VPS13A: variants seen among roughly 807,000 people sequenced by gnomAD.
VPS13A encodes intermembrane lipid transfer protein VPS13A.
A neutral mutation model predicts 390.9 loss-of-function variants in VPS13A; 264 were observed. The ratio of observed to expected loss-of-function variants is 0.68; its 90% confidence interval spans 0.61 to 0.75. The LOEUF (loss-of-function observed/expected upper bound fraction) is 0.75, where lower values mean the gene tolerates loss of function less well. VPS13A is among the 30% of genes least tolerant of loss of function. VPS13A has a pLI of 0.00. For missense variants in VPS13A, 3,409 were observed against 3,733.9 expected (o/e 0.91, Z 2.27); for synonymous variants, 1,231 against 1,227.1 (o/e 1.00, Z -0.07).
chr9:77,195,293 T>C (rs1166820611), intron 1 of VPS13A, among the ~76,000 whole-genome samples: 1 of 152,160 alleles, frequency 6.6e-6, no homozygotes, highest in Non-Finnish European at 1.5e-5. Flanking sequence ...CTGGCTAATT[T>C]TTTTGTATTT....
chr9:77,269,317 A>G (rs1383123698), intron 23 of VPS13A, among the ~76,000 whole-genome samples: 1 of 152,176 alleles, frequency 6.6e-6, no homozygotes, highest in East Asian at 1.9e-4. Context: ...GTTTGTTAAA[A>G]AGACTATTCT....
intron 33 of VPS13A, among the ~76,000 whole-genome samples, chr9:77,300,745 A>C (rs2131388271): frequency 6.6e-6 from 1 of 152,280 alleles, no homozygotes; most frequent in South Asian, 2.1e-4. Context: ...AACAAACCAA[A>C]CCCCAGAAAA....
At position 77,177,725 on chromosome 9, in the gene VPS13A, C is replaced by G. The variant is rs755971991; in HGVS notation, c.21C>G (p.Val7=). The G allele has an allele frequency of 1.2e-6, 2 of 1,613,434 alleles. No individual in the cohort carries two copies. Among genetic ancestry groups the G allele is most frequent in the Non-Finnish European group, 1.7e-6 (2 of 1,179,658 alleles). Reference sequence around the variant, plus strand: ...GGAACATGGTTTTCGAGTCGGTGGTCGTGGACGTGTTGAACCGGTTCTTGG... The same window carrying G: ...GGAACATGGTTTTCGAGTCGGTGGTGGTGGACGTGTTGAACCGGTTCTTGG... MVFESV[V]VDVLNRFLGD... The change falls in exon 1 of 72, where the codon GTC becomes GTG. Residue 7 remains valine, a synonymous_variant. Coordinates refer to ENST00000360280, the MANE Select transcript of VPS13A (RefSeq NM_033305.3).
At chr9:77,314,795 C>A in intron 37 of VPS13A, 131 bp downstream of exon 37, 1 of 803,388 alleles carries the variant, frequency 1.2e-6, no homozygotes, top group Non-Finnish European at 2.0e-6. Flanking sequence ...ATTCAGTCAG[C>A]TCGTAGTACT....
At chr9:77,408,341 C>G (rs1834729137) in intron 71 of VPS13A, among the ~76,000 whole-genome samples, 1 of 152,220 alleles carries the variant, frequency 6.6e-6, no homozygotes, top group Non-Finnish European at 1.5e-5. Context: ...AGGAAAAGCT[C>G]CAGTCTACAG....
At chr9:77,179,916 A>T (rs1356405577) in intron 1 of VPS13A, among the ~76,000 whole-genome samples, 1 of 152,074 alleles carries the variant, frequency 6.6e-6, no homozygotes, top group East Asian at 1.9e-4. Context: ...TTCTGTCTTT[A>T]TGGATTTGGT....
Position 77,295,634 on chromosome 9 carries a change from C to T in VPS13A, c.3600C>T (p.Leu1200=), listed in dbSNP as rs376174010. The change falls in exon 33 of 72, where the codon CTC becomes CTT. Residue 1200 remains leucine (L), a synonymous_variant. Coordinates refer to ENST00000360280, the MANE Select transcript of VPS13A (RefSeq NM_033305.3). ...AGMAATGVKE[L]AQRSSRMALD... ...TGGCTGCTACTGGTGTAAAAGAACTCGCACAAAGGAGTTCCAGAATGGCAC... is the reference window on the plus strand; with the variant it reads ...TGGCTGCTACTGGTGTAAAAGAACTTGCACAAAGGAGTTCCAGAATGGCAC... The T allele has an allele frequency of 5.7e-5, 92 of 1,613,858 alleles. No homozygotes were observed. Among genetic ancestry groups the T allele is most frequent in the Admixed American group, 2.7e-4 (16 of 59,976 alleles).
At chr9:77,341,675 T>C (rs903758576) in intron 50 of VPS13A, among the ~76,000 whole-genome samples, 2 of 143,668 alleles carry the variant, frequency 1.4e-5, no homozygotes, top group African/African-American at 5.0e-5. Flanking sequence ...GAGTAAGTTC[T>C]ACATGGACAT....
At chr9:77,368,569 T>TAGCC (rs1250698766) in intron 62 of VPS13A, among the ~76,000 whole-genome samples, 3 of 152,150 alleles carry the variant, frequency 2.0e-5, no homozygotes, top group African/African-American at 7.2e-5. Flanking sequence ...GGATATAACT[T>TAGCC]AGAGTATCTG....
intron 13 of VPS13A, among the ~76,000 whole-genome samples, chr9:77,224,628 A>G (rs1442086790): frequency 1.3e-5 from 2 of 152,198 alleles, no homozygotes; most frequent in East Asian, 1.9e-4. Flanking sequence ...ACTTTAACCA[A>G]TGAGGAGCTG....
At chr9:77,334,225 A>G (rs1830425294) in intron 46 of VPS13A, among the ~76,000 whole-genome samples, 1 of 152,200 alleles carries the variant, frequency 6.6e-6, no homozygotes. Context: ...GTTGGAAGAT[A>G]AAATTTGAAA....
chr9:77,358,492 T>C, intron 57 of VPS13A, 54 bp downstream of exon 57: 1 of 1,402,592 alleles, frequency 7.1e-7, no homozygotes, highest in South Asian at 1.2e-5. Flanking sequence ...CTATTTGATT[T>C]ACTTTACTAT....
intron 50 of VPS13A, among the ~76,000 whole-genome samples, chr9:77,343,451 A>ATCAGTC (rs1830951643): frequency 6.6e-6 from 1 of 152,206 alleles, no homozygotes; most frequent in Admixed American, 6.5e-5. Context: ...ATATGAAGGG[A>ATCAGTC]TCAGTCTGGT....
chr9:77,411,928 C>G (rs1834951933), intron 71 of VPS13A, among the ~76,000 whole-genome samples: 2 of 152,064 alleles, frequency 1.3e-5, no homozygotes, highest in Non-Finnish European at 2.9e-5. Context: ...ACCGATCCCA[C>G]AGAAATACAA....
intron 32 of VPS13A, 138 bp downstream of exon 32, chr9:77,293,646 A>G: frequency 1.2e-5 from 5 of 428,700 alleles, no homozygotes; most frequent in Non-Finnish European, 2.0e-5. Context: ...CATTTATTAT[A>G]CATAATAAAT....
intron 32 of VPS13A, among the ~76,000 whole-genome samples, chr9:77,293,986 C>G (rs1055730855): frequency 2.6e-5 from 4 of 152,158 alleles, no homozygotes; most frequent in Admixed American, 1.3e-4. Context: ...TCATTGTAAC[C>G]TTGAACTCCT....
intron 35 of VPS13A, among the ~76,000 whole-genome samples, chr9:77,309,310 G>A (rs1828934463): frequency 6.6e-6 from 1 of 152,150 alleles, no homozygotes; most frequent in Non-Finnish European, 1.5e-5. Flanking sequence ...TGGAAAATGT[G>A]ATAAAACTTA....
Position 77,316,349 on chromosome 9 carries a change from T to C in VPS13A, c.4806T>C (p.Asp1602=), listed in dbSNP as rs201803326. The part of the protein sequence containing the change: ...ENSTMTAAIK[D]LQVRACPFLP... ...GTACAATGACTGCTGCCATTAAAGA[T>C]CTCCAAGTGAGAGCCTGCCCGTTTC... The change falls in exon 39 of 72, where the codon GAT becomes GAC. Residue 1602 remains aspartate (D), a synonymous_variant. Transcript: ENST00000360280. 9 of 1,613,106 alleles carry C rather than the reference T, an allele frequency of 5.6e-6. No homozygotes were observed. Among genetic ancestry groups the C allele is most frequent in the African/African-American group, 4.0e-5 (3 of 74,972 alleles).
chr9:77,405,807 T>C (rs563244186), intron 69 of VPS13A, 57 bp from the exon 70 acceptor site: 406 of 1,603,396 alleles, frequency 2.5e-4, no homozygotes, highest in South Asian at 1.4e-3. Context: ...CCTGTTGTTA[T>C]TGGATATAAG....
Sources: gnomAD v4.1 joint callset for allele counts (sites outside exome capture counted in the v4.1 genomes callset) on GRCh38, gnomAD v4.1.1 for gene constraint, MANE v1.5 for transcripts, NCBI Gene and HGNC (gene_info 2026-07-23, HGNC 2026-07-21) for gene names.